Variants in THSD7B observed in about 807,000 individuals in gnomAD.
THSD7B encodes thrombospondin type 1 domain containing 7B, also known as thrombospondin type-1 domain-containing protein 7B.
THSD7B carries 138 observed loss-of-function variants against 213.6 expected under a neutral mutation model. That is an observed-to-expected ratio of 0.65 (90% CI 0.56 to 0.74). THSD7B has a LOEUF of 0.74. Ranked by LOEUF, THSD7B falls within the 30% of genes least tolerant of loss-of-function variation. The probability of loss-of-function intolerance (pLI) is 0.00; values close to 1 mark genes in which losing one functional copy is unlikely to be tolerated. For missense variants in THSD7B, 1,931 were observed against 1,991.5 expected (o/e 0.97, Z 0.58); for synonymous variants, 742 against 687.0 (o/e 1.08, Z -1.25).
At chr2:136,766,341 T>A (rs900662454) in intron 1 of THSD7B, among the ~76,000 whole-genome samples, 5 of 148,960 alleles carry the variant, frequency 3.4e-5, no homozygotes, top group African/African-American at 1.2e-4. Context: ...AGGGGCAAGC[T>A]GGGCTCGGAC....
chr2:137,633,821 AT>A (rs1488446836), intron 20 of THSD7B, among the ~76,000 whole-genome samples: 1 of 152,170 alleles, frequency 6.6e-6, no homozygotes, highest in Non-Finnish European at 1.5e-5. Flanking sequence ...ATCAAAGCAC[AT>A]TGTATTCCCT....
chr2:137,103,912 C>T (rs534338403), intron 4 of THSD7B, among the ~76,000 whole-genome samples: 1 of 152,274 alleles, frequency 6.6e-6, no homozygotes, highest in Admixed American at 6.5e-5. Context: ...TACAAAGAGA[C>T]TTAGACTCCC....
intron 15 of THSD7B, among the ~76,000 whole-genome samples, chr2:137,507,132 C>G (rs1341948426): frequency 6.6e-6 from 1 of 152,160 alleles, no homozygotes; most frequent in African/African-American, 2.4e-5. Flanking sequence ...CATACAAAAT[C>G]TGGCCTGTTT....
intron 15 of THSD7B, among the ~76,000 whole-genome samples, chr2:137,508,531 C>A (rs1304752612): frequency 6.7e-6 from 1 of 148,352 alleles, no homozygotes; most frequent in African/African-American, 2.5e-5. Flanking sequence ...CGCCTGCCAC[C>A]ATGCCCGGCT....
intron 1 of THSD7B, among the ~76,000 whole-genome samples, chr2:136,782,894 G>T (rs886664571): frequency 2.6e-5 from 4 of 151,910 alleles, no homozygotes; most frequent in Non-Finnish European, 5.9e-5. Flanking sequence ...AATATTATCT[G>T]TTAATTAAAA....
chr2:137,562,172 A>G (rs1209598652), intron 15 of THSD7B, among the ~76,000 whole-genome samples: 1 of 152,156 alleles, frequency 6.6e-6, no homozygotes, highest in African/African-American at 2.4e-5. Context: ...CCTAGTTATC[A>G]TTTACAATTT....
At chr2:137,471,927 A>G (rs898424227) in intron 15 of THSD7B, among the ~76,000 whole-genome samples, 10 of 152,196 alleles carry the variant, frequency 6.6e-5, no homozygotes, top group Non-Finnish European at 1.5e-4. Flanking sequence ...TCAAGATGAA[A>G]ATATTATTCT....
intron 3 of THSD7B, among the ~76,000 whole-genome samples, chr2:137,072,818 T>C (rs1200293275): frequency 1.3e-5 from 2 of 152,222 alleles, no homozygotes; most frequent in Non-Finnish European, 2.9e-5. Context: ...CATGAAGCGT[T>C]GTTGAATTTT....
At chr2:137,100,815 C>T (rs1392635319) in intron 4 of THSD7B, among the ~76,000 whole-genome samples, 3 of 152,060 alleles carry the variant, frequency 2.0e-5, no homozygotes, top group African/African-American at 7.2e-5. Context: ...CAAAAAAGGA[C>T]ATCCACCCAG....
At chr2:137,363,008 T>G (rs982970579) in intron 12 of THSD7B, among the ~76,000 whole-genome samples, 14 of 152,152 alleles carry the variant, frequency 9.2e-5, no homozygotes, top group Admixed American at 5.9e-4. Flanking sequence ...TCAGCAAATG[T>G]GAAAGAACAG....
intron 12 of THSD7B, among the ~76,000 whole-genome samples, chr2:137,324,720 T>A (rs1008122197): frequency 6.6e-6 from 1 of 152,264 alleles, no homozygotes. Context: ...GTTTAAAAAA[T>A]TGTTTTGTGT....
At chr2:137,077,423 C>T (rs1228495832) in intron 3 of THSD7B, among the ~76,000 whole-genome samples, 1 of 152,120 alleles carries the variant, frequency 6.6e-6, no homozygotes, top group Non-Finnish European at 1.5e-5. Context: ...AATGGTTGAA[C>T]TAGTTTACAT....
chr2:137,369,634 A>G (rs1482316194), intron 12 of THSD7B, among the ~76,000 whole-genome samples: 1 of 152,132 alleles, frequency 6.6e-6, no homozygotes, highest in East Asian at 1.9e-4. Context: ...TTTCCACGCA[A>G]CTCAGTAACG....
At chr2:137,612,899 T>C (rs1472650101) in intron 17 of THSD7B, among the ~76,000 whole-genome samples, 1 of 152,148 alleles carries the variant, frequency 6.6e-6, no homozygotes, top group Non-Finnish European at 1.5e-5. Flanking sequence ...TACAGTTAAA[T>C]CATTATTAGC....
intron 7 of THSD7B, among the ~76,000 whole-genome samples, chr2:137,182,563 C>G (rs4954372): frequency 0.1 from 15,668 of 152,112 alleles, 1,084 homozygotes; most frequent in Middle Eastern, 0.15. Context: ...GGGTCATTAC[C>G]TTGTATGTTT....
chr2:137,170,608 A>G, intron 6 of THSD7B, 133 bp from the exon 7 acceptor site: 1 of 782,840 alleles, frequency 1.3e-6, no homozygotes, highest in Non-Finnish European at 2.0e-6. Flanking sequence ...ACATAGAATA[A>G]AACACATCAA....
chr2:137,321,722 T>G (rs1684268071), intron 12 of THSD7B, among the ~76,000 whole-genome samples: 1 of 152,210 alleles, frequency 6.6e-6, no homozygotes, highest in African/African-American at 2.4e-5. Context: ...GGCCTTCAAA[T>G]GAACGTTCCA....
intron 12 of THSD7B, among the ~76,000 whole-genome samples, chr2:137,353,980 A>G (rs191429934): frequency 1.3e-5 from 2 of 152,190 alleles, no homozygotes; most frequent in Non-Finnish European, 2.9e-5. Flanking sequence ...CCACTTTTCT[A>G]GTCTCCCAGC....
intron 1 of THSD7B, among the ~76,000 whole-genome samples, chr2:136,825,718 A>ATT (rs55814718): frequency 0.17 from 19,608 of 116,826 alleles, 2,818 homozygotes; most frequent in Non-Finnish European, 0.25. Context: ...TGCCTGGCTA[A>ATT]TTTTTTTTTT....
Sources: allele counts gnomAD v4.1 joint callset (sites outside exome capture counted in the v4.1 genomes callset), GRCh38; gene constraint gnomAD v4.1.1; transcripts MANE v1.5; gene names NCBI Gene and HGNC (gene_info 2026-07-23, HGNC 2026-07-21).